Variants in KCNU1 observed in about 807,000 individuals in gnomAD.
The protein encoded by KCNU1 is potassium calcium-activated channel subfamily U member 1, also known as potassium channel subfamily U member 1.
A neutral mutation model predicts 126.8 loss-of-function variants in KCNU1; 93 were observed. That is an observed-to-expected ratio of 0.73 (90% CI 0.62 to 0.87). KCNU1 has a LOEUF of 0.87. Ranked by LOEUF, KCNU1 falls within the 40% of genes least tolerant of loss-of-function variation. KCNU1 has a pLI of 0.00. For missense variants in KCNU1, 1,330 were observed against 1,367.1 expected, an observed-to-expected ratio of 0.97 and a Z score of 0.43; for synonymous variants, 523 against 494.2, an observed-to-expected ratio of 1.06 and a Z score of -0.77.
intron 10 of KCNU1, among the ~76,000 whole-genome samples, chr8:36,818,700 G>A (rs751489976): frequency 3.3e-5 from 5 of 152,162 alleles, no homozygotes; most frequent in Admixed American, 6.6e-5. Flanking sequence ...TTGATCTTAC[G>A]TAGGATTGTA....
Position 36,915,042 on chromosome 8 carries a change from C to T in KCNU1, c.2522-3781C>T, listed in dbSNP as rs1277449198. 2.0e-5 allele frequency among the ~76,000 whole-genome samples: 3 copies of T among 152,116 alleles called. No homozygotes were observed. The South Asian group carries it at 6.2e-4, about 32-fold the overall frequency. ...GGAAATTCAGATGCTGTCCTTCAGC[C>T]GGCATCAGAAGCAGATTTTCATACA... On this transcript the variant is annotated intron_variant, in intron 22 of 26. Coordinates refer to ENST00000399881, the MANE Select transcript of KCNU1 (RefSeq NM_001031836.3).
intron 14 of KCNU1, among the ~76,000 whole-genome samples, chr8:36,838,829 T>C (rs1379955992): frequency 2.0e-5 from 3 of 152,214 alleles, no homozygotes; most frequent in African/African-American, 7.2e-5. Context: ...GTCTCCATAA[T>C]GTTTTTTTGA....
At chr8:36,806,000 C>A (rs11775036) in intron 4 of KCNU1, among the ~76,000 whole-genome samples, 6 of 151,956 alleles carry the variant, frequency 3.9e-5, no homozygotes, top group African/African-American at 1.5e-4. Flanking sequence ...GCTGCAACCA[C>A]GTGCAGCTAA....
intron 22 of KCNU1, among the ~76,000 whole-genome samples, chr8:36,912,131 C>G (rs1807898523): frequency 6.6e-6 from 1 of 152,196 alleles, no homozygotes; most frequent in African/African-American, 2.4e-5. Context: ...CATGCAGCCT[C>G]TGACCACAGC....
intron 10 of KCNU1, among the ~76,000 whole-genome samples, chr8:36,832,437 T>A (rs1288668390): frequency 6.6e-6 from 1 of 152,196 alleles, no homozygotes. Context: ...AGGCTTTTTA[T>A]TTTTTCTAGA....
At chr8:36,903,094 A>T (rs1385232054) in intron 19 of KCNU1, among the ~76,000 whole-genome samples, 1 of 152,038 alleles carries the variant, frequency 6.6e-6, no homozygotes, top group Admixed American at 6.6e-5. Context: ...TGACTTTCCA[A>T]ACCTGTTTCT....
chr8:36,906,415 C>G (rs1332759041), intron 20 of KCNU1, among the ~76,000 whole-genome samples: 1 of 152,076 alleles, frequency 6.6e-6, no homozygotes, highest in Non-Finnish European at 1.5e-5. Context: ...ATGCCTGCAA[C>G]TAAGATGGAA....
chr8:36,915,262 G>T (rs960155905), intron 22 of KCNU1, among the ~76,000 whole-genome samples: 1 of 152,190 alleles, frequency 6.6e-6, no homozygotes, highest in Admixed American at 6.5e-5. Flanking sequence ...GTCAAACCTT[G>T]TATATTGTAA....
At chr8:36,784,658 G>T (rs1415507029) in intron 1 of KCNU1, 53 bp downstream of exon 1, 1 of 1,347,718 alleles carries the variant, frequency 7.4e-7, no homozygotes. Context: ...TGAGTTTGGG[G>T]TAGTTTTGTG....
intron 18 of KCNU1, among the ~76,000 whole-genome samples, chr8:36,850,663 C>T (rs1348193641): frequency 6.6e-6 from 1 of 152,078 alleles, no homozygotes; most frequent in Non-Finnish European, 1.5e-5. Context: ...TATCATATTT[C>T]TCAGTCTGTT....
At chr8:36,907,224 G>A (rs989727731) in intron 20 of KCNU1, among the ~76,000 whole-genome samples, 2 of 152,056 alleles carry the variant, frequency 1.3e-5, no homozygotes, top group Non-Finnish European at 2.9e-5. Flanking sequence ...TTTGCAAAAG[G>A]GTCAAGTAGA....
rs556054867 is a variant in KCNU1 at position 36,837,900 on chromosome 8, G to A, written c.1518+955G>A. ...CTTCCCTCTTGACCTCTCTTTGCTC[G>A]CTCTTTCCTCTGTTCTCTTTTTTCT... On this transcript the variant is annotated intron_variant, in intron 14 of 26. Transcript: ENST00000399881. Among the ~76,000 whole-genome samples, 382 of 144,306 alleles carry A rather than the reference G, an allele frequency of 2.6e-3. 2 individuals carry two copies. The highest frequency in any genetic ancestry group is 9.1e-3 in the African/African-American group (366 of 40,440). The allele number at this position is 144,306 out of a possible 152,430, so 94.7% of individuals were successfully genotyped here.
chr8:36,850,092 C>T (rs1185067285), intron 18 of KCNU1, among the ~76,000 whole-genome samples: 4 of 152,094 alleles, frequency 2.6e-5, no homozygotes, highest in Non-Finnish European at 5.9e-5. Context: ...ATGAGGAGCT[C>T]ATTGACCATT....
intron 10 of KCNU1, among the ~76,000 whole-genome samples, chr8:36,821,509 G>T (rs974892547): frequency 6.6e-6 from 1 of 152,094 alleles, no homozygotes; most frequent in African/African-American, 2.4e-5. Context: ...CCCCCATCCA[G>T]GTCTAGGCCT....
intron 20 of KCNU1, among the ~76,000 whole-genome samples, chr8:36,907,186 A>G (rs1365569983): frequency 6.6e-6 from 1 of 152,144 alleles, no homozygotes; most frequent in Non-Finnish European, 1.5e-5. Flanking sequence ...GGATTGCAAA[A>G]TTCGGGGTAT....
intron 7 of KCNU1, among the ~76,000 whole-genome samples, chr8:36,811,554 C>A (rs964028010): frequency 9.9e-5 from 15 of 152,230 alleles, no homozygotes; most frequent in African/African-American, 3.4e-4. Flanking sequence ...TCTTTTGAAT[C>A]TGTATTAATA....
At chr8:36,874,224 G>A (rs13275137) in intron 19 of KCNU1, among the ~76,000 whole-genome samples, 4,076 of 152,222 alleles carry the variant, frequency 0.027, 84 homozygotes, top group Non-Finnish European at 0.039. Context: ...AGGAAAAGCC[G>A]AGTAGTCACC....
intron 19 of KCNU1, among the ~76,000 whole-genome samples, chr8:36,872,947 G>T (rs749597451): frequency 2.0e-5 from 3 of 151,954 alleles, no homozygotes; most frequent in Non-Finnish European, 4.4e-5. Context: ...GTGAAACCCC[G>T]TCACGCCTGT....
chr8:36,876,315 C>T (rs961916114), intron 19 of KCNU1, among the ~76,000 whole-genome samples: 1 of 152,094 alleles, frequency 6.6e-6, no homozygotes, highest in African/African-American at 2.4e-5. Context: ...TGGGTGAATG[C>T]GTTAAAAAAG....
Sources: allele counts gnomAD v4.1 joint callset (sites outside exome capture counted in the v4.1 genomes callset), GRCh38; gene constraint gnomAD v4.1.1; transcripts MANE v1.5; gene names NCBI Gene and HGNC (gene_info 2026-07-23, HGNC 2026-07-21).